The following CSMD1 variants were observed in gnomAD, a reference collection of about 807,000 sequenced individuals.
CSMD1 encodes the protein CUB and Sushi multiple domains 1.
CSMD1 carries 213 observed loss-of-function variants against 417.5 expected under a neutral mutation model. The ratio of observed to expected loss-of-function variants is 0.51; its 90% CI spans 0.46 to 0.57. The LOEUF (loss-of-function observed/expected upper bound fraction) is 0.57, where lower values mean the gene tolerates loss of function less well. Ranked by LOEUF, CSMD1 falls within the 20% of genes least tolerant of loss-of-function variation. The pLI, the probability that CSMD1 is intolerant of heterozygous loss-of-function variation, is 0.00. For missense variants in CSMD1, 6,923 were observed against 4,529.7 expected, an observed-to-expected ratio of 1.53 and a Z score of -15.17; for synonymous variants, 2,862 against 1,736.8, an observed-to-expected ratio of 1.65 and a Z score of -16.11.
intron 2 of CSMD1, among the ~76,000 whole-genome samples, chr8:4,583,151 G>C (rs946592185): frequency 3.9e-5 from 6 of 152,102 alleles, no homozygotes; most frequent in African/African-American, 7.2e-5. Context: ...CCTCCCCAAC[G>C]AGCACCATCC....
chr8:3,105,459 A>G (rs1201683532), intron 46 of CSMD1, among the ~76,000 whole-genome samples: 1 of 152,240 alleles, frequency 6.6e-6, no homozygotes, highest in Non-Finnish European at 1.5e-5. Flanking sequence ...GTTTCGACTT[A>G]CTTGAGCATT....
intron 1 of CSMD1, among the ~76,000 whole-genome samples, chr8:4,986,811 A>G (rs1393068964): frequency 6.6e-6 from 1 of 152,154 alleles, no homozygotes; most frequent in Non-Finnish European, 1.5e-5. Context: ...TTAATTGCAC[A>G]ATTTCATAGT....
At chr8:4,072,224 G>C (rs535190113) in intron 3 of CSMD1, among the ~76,000 whole-genome samples, 1 of 152,140 alleles carries the variant, frequency 6.6e-6, no homozygotes, top group Non-Finnish European at 1.5e-5. Context: ...TTCATCCACA[G>C]TTGCAAGTGA....
chr8:3,294,543 C>A (rs62503429), intron 25 of CSMD1, among the ~76,000 whole-genome samples: 5 of 151,884 alleles, frequency 3.3e-5, no homozygotes, highest in Admixed American at 3.3e-4. Context: ...CCCCCAGCCT[C>A]GCTGCAGCCT....
intron 1 of CSMD1, among the ~76,000 whole-genome samples, chr8:4,942,720 G>C (rs1301877111): frequency 1.3e-5 from 2 of 152,094 alleles, no homozygotes; most frequent in Non-Finnish European, 2.9e-5. Context: ...AATCAGTGGA[G>C]AATCCAATAC....
At chr8:3,873,063 G>A (rs755356773) in intron 5 of CSMD1, among the ~76,000 whole-genome samples, 5 of 151,966 alleles carry the variant, frequency 3.3e-5, no homozygotes, top group Admixed American at 6.6e-5. Flanking sequence ...ACAGATGCTG[G>A]CAAGGTTGCA....
At chr8:3,765,374 A>T (rs1299150353) in intron 5 of CSMD1, among the ~76,000 whole-genome samples, 1 of 152,132 alleles carries the variant, frequency 6.6e-6, no homozygotes, top group Non-Finnish European at 1.5e-5. Flanking sequence ...CCTTGTCTTT[A>T]ATAGACTTAA....
chr8:4,418,600 A>G (rs1481257132), intron 3 of CSMD1, among the ~76,000 whole-genome samples: 1 of 152,206 alleles, frequency 6.6e-6, no homozygotes, highest in Non-Finnish European at 1.5e-5. Flanking sequence ...AGGACAAAAT[A>G]TGCCTGGCAT....
chr8:4,589,573 G>C (rs979206683), intron 2 of CSMD1, among the ~76,000 whole-genome samples: 18 of 152,126 alleles, frequency 1.2e-4, no homozygotes, highest in Non-Finnish European at 2.5e-4. Context: ...TCTATAATAT[G>C]GGACTTGCTT....
At chr8:4,208,258 G>C (rs1559568) in intron 3 of CSMD1, among the ~76,000 whole-genome samples, 56,717 of 152,084 alleles carry the variant, frequency 0.37, 13,192 homozygotes, top group Non-Finnish European at 0.5. Flanking sequence ...TTGCCTTCTC[G>C]GTCAAATACA....
intron 4 of CSMD1, among the ~76,000 whole-genome samples, chr8:3,999,431 T>G (rs1194163099): frequency 6.6e-6 from 1 of 152,186 alleles, no homozygotes; most frequent in Admixed American, 6.5e-5. Context: ...TTCCAATATT[T>G]CTTTCATCTT....
chr8:3,309,344 T>A (rs1045804451), intron 23 of CSMD1, among the ~76,000 whole-genome samples: 2 of 127,300 alleles, frequency 1.6e-5, no homozygotes, highest in African/African-American at 5.7e-5. Context: ...CTGGCGCTCC[T>A]GAATTACTGC....
intron 21 of CSMD1, among the ~76,000 whole-genome samples, chr8:3,352,504 T>C (rs1808484260): frequency 6.6e-6 from 1 of 152,164 alleles, no homozygotes; most frequent in African/African-American, 2.4e-5. Context: ...CTAATTTTGT[T>C]TTTGGTCTAT....
In CSMD1 at chr8:3,641,891, G is replaced by C. The variant is rs1001008498; in HGVS notation, c.1010-25094C>G. 3.3e-5 allele frequency among the ~76,000 whole-genome samples: 5 copies of C among 152,160 alleles called. No individual in the cohort carries two copies. The South Asian group carries it at 6.2e-4, about 19-fold the overall frequency. ...ACTTCATATAAGGTTTCGCTACATA[G>C]GCAATGTGTGGAAACTAATTCTGAT... On this transcript the variant is annotated intron_variant, in intron 7 of 69. Transcript: ENST00000635120.
intron 5 of CSMD1, among the ~76,000 whole-genome samples, chr8:3,763,539 G>C (rs1281082760): frequency 6.6e-6 from 1 of 152,066 alleles, no homozygotes; most frequent in Non-Finnish European, 1.5e-5. Context: ...AATTTCTTCA[G>C]GCCCTTACCA....
intron 2 of CSMD1, among the ~76,000 whole-genome samples, chr8:4,506,287 T>C (rs1802521960): frequency 6.6e-6 from 1 of 152,118 alleles, no homozygotes. Context: ...TCATGGAAGC[T>C]TCGGTGATGA....
intron 5 of CSMD1, among the ~76,000 whole-genome samples, chr8:3,823,183 G>C (rs963101456): frequency 2.6e-5 from 4 of 152,168 alleles, no homozygotes; most frequent in East Asian, 1.9e-4. Flanking sequence ...TACCACATCA[G>C]AGAACTCACA....
chr8:4,952,344 G>A (rs9285041), intron 1 of CSMD1, among the ~76,000 whole-genome samples: 63,208 of 122,954 alleles, frequency 0.51, 13,700 homozygotes, highest in East Asian at 0.67. Context: ...AACCCAATAA[G>A]TGAAACTGAA....
chr8:4,574,300 G>C (rs1053579426), intron 2 of CSMD1, among the ~76,000 whole-genome samples: 2 of 152,164 alleles, frequency 1.3e-5, no homozygotes, highest in Non-Finnish European at 2.9e-5. Context: ...GAAACTGTGG[G>C]AAAAGCATGC....
Sources: allele counts gnomAD v4.1 joint callset (sites outside exome capture counted in the v4.1 genomes callset), GRCh38; gene constraint gnomAD v4.1.1; transcripts MANE v1.5; gene names NCBI Gene and HGNC (gene_info 2026-07-23, HGNC 2026-07-21).